Variants in DIP2C observed in about 807,000 individuals in gnomAD.
The protein encoded by DIP2C is disco-interacting protein 2 homolog C.
Under a neutral mutation model 192.4 loss-of-function variants are expected in DIP2C, and 33 were observed. The observed-to-expected ratio is 0.17, with a 90% CI of 0.13 to 0.23. The LOEUF is 0.23. Ranked by LOEUF, DIP2C falls within the 10% of genes least tolerant of loss-of-function variation. DIP2C has a pLI of 1.00. For missense variants in DIP2C, 1,537 were observed against 2,110.1 expected (o/e 0.73, Z 5.32); for synonymous variants, 979 against 864.1 (o/e 1.13, Z -2.33).
intron 17 of DIP2C, among the ~76,000 whole-genome samples, chr10:373,554 C>T (rs941627950): frequency 5.9e-5 from 9 of 152,086 alleles, no homozygotes; most frequent in East Asian, 1.9e-4. Context: ...CTGGGGTCCA[C>T]GGTCTAAAAC....
Position 651,911 on chromosome 10 carries a change from C to A in DIP2C, c.85+37583G>T, listed in dbSNP as rs1239609017. 3 of 175,710 alleles carry A rather than the reference C, an allele frequency of 1.7e-5. No homozygotes were observed. The highest frequency in any genetic ancestry group is 5.6e-5 in the Admixed American group (1 of 17,924). 10.9% of individuals were successfully genotyped at this position (175,710 alleles called of 1,614,324 possible). A position where few individuals can be genotyped will look rare whatever the true frequency, so the allele number is the denominator to read the frequency against. ...TGTACTCAGGGAGTCGGTTCCAGGA[C>A]CCCATGGACACCAAATCCAGGCACA... On this transcript the variant is annotated intron_variant, in intron 1 of 36. Transcript: ENST00000280886. This position sits in a 1 kb window ranked among gnomAD's most constrained non-coding sequence, Gnocchi z 4.1.
At chr10:547,794 T>C (rs145646960) in intron 1 of DIP2C, among the ~76,000 whole-genome samples, 1 of 152,126 alleles carries the variant, frequency 6.6e-6, no homozygotes, top group Non-Finnish European at 1.5e-5. Context: ...ACGTCCCCTC[T>C]CTGCAGGGGG....
chr10:605,427 C>G (rs1240505140), intron 1 of DIP2C, among the ~76,000 whole-genome samples: 1 of 152,178 alleles, frequency 6.6e-6, no homozygotes, highest in Admixed American at 6.5e-5. Context: ...AATAAAATTC[C>G]TTACAGAAAA....
At chr10:550,830 C>CAT (rs1848546042) in intron 1 of DIP2C, among the ~76,000 whole-genome samples, 1 of 152,166 alleles carries the variant, frequency 6.6e-6, no homozygotes, top group Admixed American at 6.5e-5. Flanking sequence ...AGGGATGCTC[C>CAT]ATTCCCTCTG....
Position 472,569 on chromosome 10 carries a change from G to A in DIP2C, c.158-20C>T. The A allele has an allele frequency of 6.3e-7, 1 of 1,598,120 alleles. No individual in the cohort carries two copies. The highest frequency in any genetic ancestry group is 8.6e-7 in the Non-Finnish European group (1 of 1,166,830). On this transcript the variant is annotated intron_variant, in intron 2 of 36. Coordinates refer to ENST00000280886, the MANE Select transcript of DIP2C (RefSeq NM_014974.3). ...CCACCCCTGGATTTCAATAAAAACA[G>A]CAGAGTGAGGTGTGACTGTACTCAG...
intron 1 of DIP2C, chr10:661,962 C>G (rs1269135635): frequency 2.8e-6 from 2 of 702,618 alleles, no homozygotes. Flanking sequence ...CTGACCCAGG[C>G]ACTGAATCGC....
chr10:324,034 G>A (rs1269548375), intron 31 of DIP2C, among the ~76,000 whole-genome samples: 1 of 152,076 alleles, frequency 6.6e-6, no homozygotes, highest in Non-Finnish European at 1.5e-5. Context: ...ACTCTCGCCC[G>A]CACGACTCCG....
chr10:342,841 T>C (rs979314307), intron 28 of DIP2C, among the ~76,000 whole-genome samples: 1 of 152,028 alleles, frequency 6.6e-6, no homozygotes, highest in Non-Finnish European at 1.5e-5. Flanking sequence ...CCTGTAATAG[T>C]CCCCCTACAG....
chr10:547,602 T>A (rs1408525361), intron 1 of DIP2C, among the ~76,000 whole-genome samples: 5 of 152,114 alleles, frequency 3.3e-5, no homozygotes, highest in African/African-American at 9.7e-5. Context: ...TCATGAGCTT[T>A]AGCATTTACA....
At chr10:344,385 G>A (rs1958313249) in intron 28 of DIP2C, among the ~76,000 whole-genome samples, 1 of 132,334 alleles carries the variant, frequency 7.6e-6, no homozygotes, top group Admixed American at 7.8e-5. Flanking sequence ...CCCAAGGGTG[G>A]GGCGGGGGCG....
chr10:387,859 C>A, intron 13 of DIP2C, 50 bp from the exon 14 acceptor site: 2 of 1,584,618 alleles, frequency 1.3e-6, no homozygotes, highest in Non-Finnish European at 1.7e-6. Context: ...AGGGCGGCAA[C>A]AGATCAAAAT....
intron 1 of DIP2C, among the ~76,000 whole-genome samples, chr10:627,543 A>C (rs1448291407): frequency 1.3e-5 from 2 of 152,214 alleles, no homozygotes; most frequent in Non-Finnish European, 2.9e-5. Flanking sequence ...TCTTCAACCG[A>C]GCGCCACTGA....
intron 1 of DIP2C, chr10:650,143 A>G: frequency 1.4e-6 from 1 of 717,370 alleles, no homozygotes; most frequent in Non-Finnish European, 2.6e-6. Context: ...AGGACCCCCC[A>G]GGAGAGAGAA....
chr10:626,416 ATCCCCCATCCTCGGTGTTACCCTCCG>A (rs1564283965), intron 1 of DIP2C, among the ~76,000 whole-genome samples: 8 of 139,998 alleles, frequency 5.7e-5, no homozygotes, highest in Non-Finnish European at 1.2e-4. Flanking sequence ...GTTACCCTCC[ATCCCCCATCCTCGGTGTTACCCTCCG>A]TCCCCCCGTC....
At chr10:625,138 C>T (rs1051064319) in intron 1 of DIP2C, among the ~76,000 whole-genome samples, 2 of 152,178 alleles carry the variant, frequency 1.3e-5, no homozygotes, top group African/African-American at 4.8e-5. Flanking sequence ...ACAGCCGTGT[C>T]CTCAGCGGGT....
At chr10:535,852 C>CT (rs1847665352) in intron 1 of DIP2C, among the ~76,000 whole-genome samples, 1 of 152,210 alleles carries the variant, frequency 6.6e-6, no homozygotes, top group Non-Finnish European at 1.5e-5. Context: ...GCAGTGTACT[C>CT]TGAGAATTAG....
At chr10:537,332 G>A in intron 1 of DIP2C, among the ~76,000 whole-genome samples, 1 of 152,186 alleles carries the variant, frequency 6.6e-6, no homozygotes, top group East Asian at 1.9e-4. Context: ...AACAGAGCAA[G>A]TGCACTCTCT....
chr10:467,490 C>G (rs1279024205), intron 3 of DIP2C, among the ~76,000 whole-genome samples: 1 of 142,430 alleles, frequency 7.0e-6, no homozygotes, highest in Non-Finnish European at 1.5e-5. Context: ...ATGTAACTAA[C>G]CTGCACAATG....
intron 28 of DIP2C, among the ~76,000 whole-genome samples, chr10:342,418 A>G (rs950273086): frequency 6.6e-6 from 1 of 152,160 alleles, no homozygotes; most frequent in African/African-American, 2.4e-5. Flanking sequence ...TCGGCCTCCC[A>G]AAGTGCTGGG....
Sources: allele counts gnomAD v4.1 joint callset (sites outside exome capture counted in the v4.1 genomes callset), GRCh38; gene constraint gnomAD v4.1.1; non-coding constraint Gnocchi (gnomAD v3.1); transcripts MANE v1.5; gene names NCBI Gene and HGNC (gene_info 2026-07-23, HGNC 2026-07-21).